Variants in DOCK1 observed in about 807,000 individuals in gnomAD.
DOCK1 encodes dedicator of cytokinesis 1, also known as dedicator of cytokinesis protein 1.
DOCK1 carries 138 observed loss-of-function variants against 262.7 expected under a neutral mutation model. That is an observed-to-expected ratio of 0.53 (90% CI 0.46 to 0.61). The LOEUF is 0.61. Ranked by LOEUF, DOCK1 falls within the 20% of genes least tolerant of loss-of-function variation. The pLI is 0.00. For missense variants in DOCK1, 1,908 were observed against 2,370.7 expected, an observed-to-expected ratio of 0.80 and a Z score of 4.05; for synonymous variants, 866 against 867.4, an observed-to-expected ratio of 1.00 and a Z score of 0.03.
chr10:127,245,894 G>A (rs776555226), intron 27 of DOCK1, among the ~76,000 whole-genome samples: 5 of 152,194 alleles, frequency 3.3e-5, no homozygotes, highest in Non-Finnish European at 7.3e-5. Context: ...AGTCTCCATT[G>A]TGTAACTGGT....
intron 29 of DOCK1, among the ~76,000 whole-genome samples, chr10:127,265,916 G>T (rs1590198343): frequency 6.6e-6 from 1 of 152,172 alleles, no homozygotes; most frequent in Admixed American, 6.6e-5. Context: ...AAATTTGCAG[G>T]GTAGGCTGTT....
intron 1 of DOCK1, among the ~76,000 whole-genome samples, chr10:126,946,929 ACTT>A (rs2035458041): frequency 6.6e-6 from 1 of 152,130 alleles, no homozygotes; most frequent in Non-Finnish European, 1.5e-5. Flanking sequence ...GGACAGGCTC[ACTT>A]CTTGGATCAG....
chr10:127,266,939 G>T (rs1167605438), intron 29 of DOCK1, among the ~76,000 whole-genome samples: 1 of 152,118 alleles, frequency 6.6e-6, no homozygotes, highest in Non-Finnish European at 1.5e-5. Flanking sequence ...GGCTGTACCT[G>T]AGTGCATTTC....
chr10:126,942,496 G>C (rs2035089890), intron 1 of DOCK1, among the ~76,000 whole-genome samples: 1 of 152,140 alleles, frequency 6.6e-6, no homozygotes. Context: ...TAGAACAGTA[G>C]AATAAATCGT....
chr10:126,934,747 G>GTTTTTTT (rs1166445414), intron 1 of DOCK1, among the ~76,000 whole-genome samples: 56 of 107,460 alleles, frequency 5.2e-4, no homozygotes, highest in African/African-American at 5.3e-4. Flanking sequence ...GAATTTACGA[G>GTTTTTTT]TTTTTTTTTT....
chr10:127,079,539 T>A (rs1393370796), intron 23 of DOCK1, among the ~76,000 whole-genome samples: 2 of 151,204 alleles, frequency 1.3e-5, no homozygotes, highest in African/African-American at 4.9e-5. Flanking sequence ...AATAAAAAAA[T>A]CTGTTGAGTG....
chr10:127,328,483 ATTG>A (rs1258885094), intron 29 of DOCK1, among the ~76,000 whole-genome samples: 1 of 152,124 alleles, frequency 6.6e-6, no homozygotes, highest in East Asian at 1.9e-4. Flanking sequence ...CCCTCACTGT[ATTG>A]TTGTAGACCA....
At chr10:127,226,033 A>G (rs1240997784) in intron 27 of DOCK1, among the ~76,000 whole-genome samples, 2 of 150,488 alleles carry the variant, frequency 1.3e-5, no homozygotes, top group African/African-American at 2.4e-5. Flanking sequence ...AGCCAAGATC[A>G]TGCCACTGCA....
At chr10:127,444,803 A>G (rs9665489) in intron 50 of DOCK1, among the ~76,000 whole-genome samples, 133,043 of 152,132 alleles carry the variant, frequency 0.87, 58,348 homozygotes, top group East Asian at 0.96. Context: ...TCAAGGAGGT[A>G]GCAAGTTGGT....
At chr10:127,022,696 G>C (rs897866356) in intron 13 of DOCK1, among the ~76,000 whole-genome samples, 47 of 152,064 alleles carry the variant, frequency 3.1e-4, no homozygotes, top group Non-Finnish European at 4.7e-4. Flanking sequence ...TCGCCTGGCC[G>C]GTCCTCATTC....
At chr10:127,403,260 C>A in intron 39 of DOCK1, 116 bp downstream of exon 39, 2 of 975,042 alleles carry the variant, frequency 2.1e-6, no homozygotes, top group Non-Finnish European at 3.0e-6. Context: ...GGACCTTGGC[C>A]ATGTCCCTCC....
rs3066813 is a variant in DOCK1 at position 127,183,071 on chromosome 10, C to CTTTTTTTTTTTTTTTTTTTTTTTT, written c.2847+55309_2847+55332dup. ...CTTTGCCTTCCTGATTATGGTGAAT[C>CTTTTTTTTTTTTTTTTTTTTTTTT]TTTTTTTTTTTTTTTTTTTTTTTTT... On this transcript the variant is annotated intron_variant, in intron 27 of 51. Transcript: ENST00000623213. Among the ~76,000 whole-genome samples, 2 of 88,634 alleles carry CTTTTTTTTTTTTTTTTTTTTTTTT rather than the reference C, an allele frequency of 2.3e-5. 1 individual carries two copies. The highest frequency in any genetic ancestry group is 4.3e-5 in the Non-Finnish European group (2 of 46,792). 58.1% of individuals were successfully genotyped at this position (88,634 alleles called of 152,430 possible). A position where few individuals can be genotyped will look rare whatever the true frequency, so the allele number is the denominator to read the frequency against.
At chr10:126,933,880 T>G (rs1244748423) in intron 1 of DOCK1, among the ~76,000 whole-genome samples, 2 of 152,066 alleles carry the variant, frequency 1.3e-5, no homozygotes, top group Non-Finnish European at 2.9e-5. Flanking sequence ...AATGGTGTGA[T>G]CTCCACTCAC....
At chr10:127,183,071 CTT>C (rs3066813) in intron 27 of DOCK1, among the ~76,000 whole-genome samples, 44,782 of 88,964 alleles carry the variant, frequency 0.5, 10,727 homozygotes, top group East Asian at 0.71. Context: ...TATGGTGAAT[CTT>C]TTTTTTTTTT....
chr10:127,367,324 C>G (rs535260028), intron 33 of DOCK1, among the ~76,000 whole-genome samples: 1 of 152,082 alleles, frequency 6.6e-6, no homozygotes. Context: ...AATGTTCCTT[C>G]GGAATAGGCT....
chr10:127,325,778 G>A lies in DOCK1; in HGVS notation c.3045-13228G>A, dbSNP rs562737555. 5.3e-5 allele frequency among the ~76,000 whole-genome samples: 8 copies of A among 152,290 alleles called. No individual in the cohort carries two copies. In the East Asian group the frequency reaches 9.6e-4, roughly 18 times the overall value. The stretch of plus-strand genomic sequence containing the variant: ...AATGGGAAATGAGTAATTCGTTTAC[G>A]AGGACAAAGTAGTGAAAACTGTTCT... On this transcript the variant is annotated intron_variant, in intron 29 of 51. Coordinates refer to ENST00000623213, the MANE Select transcript of DOCK1 (RefSeq NM_001290223.2).
intron 17 of DOCK1, 138 bp downstream of exon 17, chr10:127,031,891 C>T (rs558461839): frequency 1.1e-6 from 1 of 901,864 alleles, no homozygotes; most frequent in East Asian, 2.5e-5. Context: ...ATGAACATTT[C>T]CAATGACCAG....
intron 5 of DOCK1, 53 bp downstream of exon 5, chr10:126,987,670 T>G (rs2134960210): frequency 7.0e-7 from 1 of 1,434,786 alleles, no homozygotes; most frequent in South Asian, 1.3e-5. Flanking sequence ...TGGGCTTTTT[T>G]GACCCTGATA....
intron 27 of DOCK1, among the ~76,000 whole-genome samples, chr10:127,210,998 C>A (rs1218561508): frequency 6.6e-6 from 1 of 152,114 alleles, no homozygotes; most frequent in Non-Finnish European, 1.5e-5. Context: ...ATTTTATTGT[C>A]TTTGTTTTAT....
Sources: gnomAD v4.1 joint callset for allele counts (sites outside exome capture counted in the v4.1 genomes callset) on GRCh38, gnomAD v4.1.1 for gene constraint, MANE v1.5 for transcripts, NCBI Gene and HGNC (gene_info 2026-07-23, HGNC 2026-07-21) for gene names.